TBC1D2B: variants seen among roughly 807,000 people sequenced by gnomAD.
TBC1D2B encodes TBC1 domain family member 2B.
In TBC1D2B, 64 loss-of-function variants were observed where a neutral mutation model predicts 100.8. The ratio of observed to expected loss-of-function variants is 0.64; its 90% CI spans 0.52 to 0.78. The LOEUF (loss-of-function observed/expected upper bound fraction) is 0.78, where lower values mean the gene tolerates loss of function less well. Among genes scored for constraint, TBC1D2B ranks in the 30% least tolerant of loss-of-function variants. The pLI is 0.00. For synonymous variants in TBC1D2B, 480 were observed against 479.7 expected, an observed-to-expected ratio of 1.00 and a Z score of -0.01; for missense variants, 1,052 against 1,218.4, an observed-to-expected ratio of 0.86 and a Z score of 2.03.
chr15:78,045,211 T>C (rs902872854), intron 2 of TBC1D2B, 143 bp from the exon 3 acceptor site: 5 of 700,066 alleles, frequency 7.1e-6, no homozygotes, highest in Non-Finnish European at 1.1e-5. Flanking sequence ...CATAAAAACA[T>C]AATCTGTGGG....
chr15:78,012,642 TTC>T (rs2072259804), intron 9 of TBC1D2B, among the ~76,000 whole-genome samples, 179 bp downstream of exon 9: 1 of 152,254 alleles, frequency 6.6e-6, no homozygotes, highest in South Asian at 2.1e-4. Context: ...AGCATGCTTT[TTC>T]TCTCAGTTCT....
chr15:78,068,400 C>CAA (rs1189660190), intron 1 of TBC1D2B, among the ~76,000 whole-genome samples: 1 of 151,652 alleles, frequency 6.6e-6, no homozygotes, highest in African/African-American at 2.4e-5. Context: ...CACACACACA[C>CAA]ACACACACAC....
chr15:78,010,962 C>T (rs1024320043), intron 9 of TBC1D2B, among the ~76,000 whole-genome samples: 1 of 152,214 alleles, frequency 6.6e-6, no homozygotes, highest in African/African-American at 2.4e-5. Context: ...TGGAGCATTA[C>T]TGTACCCCAA....
chr15:78,030,051 A>G lies in TBC1D2B; in HGVS notation c.803T>C (p.Ile268Thr), dbSNP rs767875949. The change falls in exon 4 of 13, where the codon ATA becomes ACA. Residue 268 changes from isoleucine to threonine, a missense_variant. By Grantham distance (89) the Ile-to-Thr change is moderately conservative (BLOSUM62 -1). Around this residue, in one of 4 missense-constraint regions of TBC1D2B, gnomAD observed 627 missense variants for 646.1 expected, o/e 0.97. Transcript: ENST00000300584. ...CAGCTTCTTCTTTTCTTCCTGTACTATGGACTCCTCTAGGTCCTTAGGGGT... is the reference window on the plus strand; with the variant it reads ...CAGCTTCTTCTTTTCTTCCTGTACTGTGGACTCCTCTAGGTCCTTAGGGGT... ...DPTPKDLEES[I>T]VQEEKKKLTP... The G allele has an allele frequency of 3.1e-6, 5 of 1,613,700 alleles. No homozygotes were observed. In the South Asian group the frequency reaches 5.5e-5, roughly 18 times the overall value.
intron 1 of TBC1D2B, among the ~76,000 whole-genome samples, chr15:78,069,269 G>A (rs1318354242): frequency 6.6e-6 from 1 of 152,146 alleles, no homozygotes; most frequent in Admixed American, 6.5e-5. Flanking sequence ...AATGCCGGGG[G>A]CCATTAGGAA....
chr15:78,060,138 G>A (rs1211312768), intron 1 of TBC1D2B, among the ~76,000 whole-genome samples: 1 of 152,196 alleles, frequency 6.6e-6, no homozygotes, highest in Non-Finnish European at 1.5e-5. Flanking sequence ...TACATAAAGT[G>A]TTCATTTGCT....
chr15:78,001,577 C>A (rs1231467917), intron 12 of TBC1D2B, 42 bp downstream of exon 12: 3 of 1,576,872 alleles, frequency 1.9e-6, no homozygotes, highest in African/African-American at 1.4e-5. Context: ...AGGGGTCAGG[C>A]TTCCTGCTCT....
Position 77,995,077 on chromosome 15 carries a change from GGA to G in TBC1D2B, c.*3081_*3082del, listed in dbSNP as rs1443307164. The G allele has an allele frequency of 3.9e-5, 6 of 152,348 alleles. No homozygotes were observed. Among genetic ancestry groups the G allele is most frequent in the African/African-American group, 1.4e-4 (6 of 41,590 alleles). 9.4% of individuals were successfully genotyped at this position (152,348 alleles called of 1,614,324 possible). ...GCACAGGAGCTGCTGTGATATAAAA[GGA>G]GAGAGTCACCTGGCGCCCCCTGCAG... is the stretch of plus-strand genomic sequence containing the variant. On this transcript the variant is annotated 3_prime_UTR_variant, in exon 13 of 13. Coordinates refer to ENST00000300584, the MANE Select transcript of TBC1D2B (RefSeq NM_144572.2).
intron 3 of TBC1D2B, among the ~76,000 whole-genome samples, chr15:78,033,950 C>T (rs903529310): frequency 6.6e-6 from 1 of 152,182 alleles, no homozygotes; most frequent in African/African-American, 2.4e-5. Flanking sequence ...GGATGTATGG[C>T]CTTTGGCTAA....
intron 3 of TBC1D2B, among the ~76,000 whole-genome samples, chr15:78,038,089 G>C (rs2072991199): frequency 6.6e-6 from 1 of 152,188 alleles, no homozygotes; most frequent in Non-Finnish European, 1.5e-5. Context: ...AGCAGCGGGA[G>C]CAAGAGCAGC....
intron 2 of TBC1D2B, among the ~76,000 whole-genome samples, chr15:78,047,843 T>C (rs552451076): frequency 6.6e-6 from 1 of 152,276 alleles, no homozygotes; most frequent in African/African-American, 2.4e-5. Flanking sequence ...GGTGACACCA[T>C]GTGTCAGTCT....
Position 78,013,237 on chromosome 15 carries a change from T to G in TBC1D2B, c.1856A>C (p.Asp619Ala), listed in dbSNP as rs1427356948. 6.2e-7 allele frequency: 1 copy of G among 1,614,008 alleles called. No individual in the cohort carries two copies. The highest frequency in any genetic ancestry group is 2.2e-5 in the East Asian group (1 of 44,888). The change falls in exon 9 of 13, where the codon GAT (aspartate) becomes GCT (alanine). Residue 619 changes from aspartate (D) to alanine (A), a missense_variant. By Grantham distance (126) the Asp-to-Ala change is moderately radical. Coordinates refer to ENST00000300584, the MANE Select transcript of TBC1D2B (RefSeq NM_144572.2). The stretch of plus-strand genomic sequence containing the variant: ...TTCTGTGAGGTAGAGAGTCTTCAGA[T>G]CCAACGCGCGGACCTTGGCAACCAA... ...EKLVAKVRALDLKTLYLTENQ... is the reference protein window; with the variant it reads ...EKLVAKVRALALKTLYLTENQ...
chr15:78,050,711 C>A (rs186055008), intron 2 of TBC1D2B, among the ~76,000 whole-genome samples: 1 of 152,090 alleles, frequency 6.6e-6, no homozygotes, highest in Non-Finnish European at 1.5e-5. Flanking sequence ...GGGCAGGCTA[C>A]AAAATAGAGG....
chr15:78,039,846 C>T (rs1029740649), intron 3 of TBC1D2B, among the ~76,000 whole-genome samples: 4 of 152,100 alleles, frequency 2.6e-5, no homozygotes, highest in Non-Finnish European at 5.9e-5. Context: ...CAACATCACA[C>T]ACCCAATAAG....
intron 2 of TBC1D2B, among the ~76,000 whole-genome samples, chr15:78,051,938 T>C (rs1596325456): frequency 6.6e-6 from 1 of 152,222 alleles, no homozygotes; most frequent in African/African-American, 2.4e-5. Context: ...CAAAGTTTCA[T>C]TCCTTGTTCT....
intron 12 of TBC1D2B, among the ~76,000 whole-genome samples, chr15:78,000,755 A>C (rs1404126733): frequency 6.6e-6 from 1 of 152,234 alleles, no homozygotes; most frequent in Non-Finnish European, 1.5e-5. Flanking sequence ...GGCCCAGAAC[A>C]GGCAATGACT....
intron 3 of TBC1D2B, among the ~76,000 whole-genome samples, chr15:78,040,624 G>C: frequency 8.2e-6 from 1 of 122,654 alleles, no homozygotes; most frequent in African/African-American, 3.2e-5. Flanking sequence ...AAGAAAGAGA[G>C]AGAGAAAGAA....
chr15:78,042,264 T>C (rs2073106242), intron 3 of TBC1D2B, among the ~76,000 whole-genome samples: 1 of 152,198 alleles, frequency 6.6e-6, no homozygotes. Flanking sequence ...CATTCCATTA[T>C]CTCACTTTGA....
At chr15:78,033,665 T>G (rs1240559169) in intron 3 of TBC1D2B, among the ~76,000 whole-genome samples, 1 of 152,214 alleles carries the variant, frequency 6.6e-6, no homozygotes, top group African/African-American at 2.4e-5. Context: ...AAATTATAAC[T>G]CAATGAAGTT....
Sources: allele counts gnomAD v4.1 joint callset (sites outside exome capture counted in the v4.1 genomes callset), GRCh38; gene constraint gnomAD v4.1.1; regional missense constraint gnomAD v4.1.1; transcripts MANE v1.5; gene names NCBI Gene and HGNC (gene_info 2026-07-23, HGNC 2026-07-21).